The following GPC5 variants were observed in gnomAD, a reference collection of about 807,000 sequenced individuals.
GPC5 encodes the protein glypican 5, also known as glypican-5.
A neutral mutation model predicts 53.9 loss-of-function variants in GPC5; 47 were observed. That is an observed-to-expected ratio of 0.87 (90% CI 0.69 to 1.11). GPC5 has a LOEUF of 1.11. Ranked by LOEUF, GPC5 falls within the 50% of genes most tolerant of loss-of-function variation. The pLI, the probability that GPC5 is intolerant of heterozygous loss-of-function variation, is 0.00. For missense variants in GPC5, 748 were observed against 713.1 expected, an observed-to-expected ratio of 1.05 and a Z score of -0.56; for synonymous variants, 286 against 263.3, an observed-to-expected ratio of 1.09 and a Z score of -0.84.
chr13:92,602,231 A>ATATATATAT (rs1555294283), intron 7 of GPC5, among the ~76,000 whole-genome samples: 1 of 4,968 alleles, frequency 2.0e-4, no homozygotes, highest in Non-Finnish European at 1.6e-3. Flanking sequence ...ATATATATAT[A>ATATATATAT]ACATATATAT....
chr13:92,434,924 AT>A (rs910950562), intron 7 of GPC5, among the ~76,000 whole-genome samples: 24 of 151,990 alleles, frequency 1.6e-4, no homozygotes, highest in African/African-American at 5.1e-4. Context: ...TCCAACTAAT[AT>A]TTTTTTTGAG....
chr13:92,302,092 C>CA (rs1324288007), intron 7 of GPC5, among the ~76,000 whole-genome samples: 1 of 151,916 alleles, frequency 6.6e-6, no homozygotes, highest in Non-Finnish European at 1.5e-5. Flanking sequence ...GTAGATCTAC[C>CA]ATGTAATGTA....
At chr13:92,356,496 C>T (rs1473287908) in intron 7 of GPC5, among the ~76,000 whole-genome samples, 8 of 152,132 alleles carry the variant, frequency 5.3e-5, no homozygotes, top group Admixed American at 5.2e-4. Context: ...TGTCTTAGAC[C>T]AGACCCCTTA....
At chr13:92,237,464 T>C (rs191738164) in intron 7 of GPC5, among the ~76,000 whole-genome samples, 1 of 152,090 alleles carries the variant, frequency 6.6e-6, no homozygotes, top group Non-Finnish European at 1.5e-5. Context: ...ATGATCTGCC[T>C]GCCTTAGCCT....
At chr13:91,871,377 G>A (rs991320295) in intron 5 of GPC5, among the ~76,000 whole-genome samples, 1 of 151,910 alleles carries the variant, frequency 6.6e-6, no homozygotes, top group Non-Finnish European at 1.5e-5. Flanking sequence ...GGAGGGAGAG[G>A]AGCAGAAAAG....
chr13:92,586,917 A>G (rs150573780), intron 7 of GPC5, among the ~76,000 whole-genome samples: 273 of 151,754 alleles, frequency 1.8e-3, no homozygotes, highest in African/African-American at 6.4e-3. Context: ...ACATCACAGT[A>G]CACTTGTATA....
intron 7 of GPC5, among the ~76,000 whole-genome samples, chr13:92,175,257 C>T (rs2042101424): frequency 6.6e-6 from 1 of 152,090 alleles, no homozygotes; most frequent in Admixed American, 6.6e-5. Flanking sequence ...TTAATGGTGA[C>T]CCTGTATGTT....
chr13:91,462,620 A>G (rs1882004531), intron 2 of GPC5, among the ~76,000 whole-genome samples: 1 of 152,140 alleles, frequency 6.6e-6, no homozygotes, highest in African/African-American at 2.4e-5. Flanking sequence ...TCCTCTTTAC[A>G]TAAGGAAAGC....
At chr13:92,117,845 G>T (rs1229243207) in intron 6 of GPC5, among the ~76,000 whole-genome samples, 1 of 152,112 alleles carries the variant, frequency 6.6e-6, no homozygotes, top group African/African-American at 2.4e-5. Flanking sequence ...CATTTTAATA[G>T]GTTATTTTGG....
chr13:92,217,507 T>G (rs192701802), intron 7 of GPC5, among the ~76,000 whole-genome samples: 12 of 152,238 alleles, frequency 7.9e-5, no homozygotes, highest in African/African-American at 2.9e-4. Context: ...ACTCCTGATA[T>G]TTTCTGCTAG....
At chr13:91,506,135 A>G (rs1884927327) in intron 2 of GPC5, among the ~76,000 whole-genome samples, 1 of 152,164 alleles carries the variant, frequency 6.6e-6, no homozygotes. Context: ...GTAAATAAGT[A>G]GCCTATTTAA....
chr13:92,577,823 G>C (rs1208320145), intron 7 of GPC5, among the ~76,000 whole-genome samples: 1 of 151,908 alleles, frequency 6.6e-6, no homozygotes, highest in Non-Finnish European at 1.5e-5. Flanking sequence ...GCAAGAGATT[G>C]GTCTGGTTAC....
intron 2 of GPC5, among the ~76,000 whole-genome samples, chr13:91,513,356 G>T (rs1046660372): frequency 8.5e-6 from 1 of 117,042 alleles, no homozygotes; most frequent in African/African-American, 3.9e-5. Context: ...GTTTTCATTT[G>T]TGTGTGTGTG....
intron 5 of GPC5, among the ~76,000 whole-genome samples, chr13:91,797,836 G>T (rs2038070993): frequency 6.6e-6 from 1 of 152,106 alleles, no homozygotes; most frequent in African/African-American, 2.4e-5. Flanking sequence ...TTGTTATTTG[G>T]TTGTGTTGAC....
chr13:91,849,607 T>A (rs765787101), intron 5 of GPC5, among the ~76,000 whole-genome samples: 3 of 152,174 alleles, frequency 2.0e-5, no homozygotes, highest in Admixed American at 1.3e-4. Context: ...ATGTATACTC[T>A]TGAGTATCCA....
chr13:91,825,355 C>T (rs939769402), intron 5 of GPC5, among the ~76,000 whole-genome samples: 2 of 152,004 alleles, frequency 1.3e-5, no homozygotes, highest in South Asian at 2.1e-4. Flanking sequence ...TGAAATTATA[C>T]GTTTGTGTGT....
At chr13:91,972,050 A>C (rs1309436383) in intron 6 of GPC5, among the ~76,000 whole-genome samples, 4 of 152,112 alleles carry the variant, frequency 2.6e-5, no homozygotes, top group South Asian at 2.1e-4. Flanking sequence ...TGATCTGTCT[A>C]ATGTTGACAG....
At chr13:91,560,259 A>G (rs2031185878) in intron 2 of GPC5, among the ~76,000 whole-genome samples, 1 of 152,154 alleles carries the variant, frequency 6.6e-6, no homozygotes, top group Non-Finnish European at 1.5e-5. Flanking sequence ...GTTCTGTGAG[A>G]TGACCTAGAA....
At chr13:92,424,252 A>G (rs891740686) in intron 7 of GPC5, among the ~76,000 whole-genome samples, 1 of 152,120 alleles carries the variant, frequency 6.6e-6, no homozygotes, top group African/African-American at 2.4e-5. Context: ...TTACAATAAA[A>G]CCAATTATTT....
Sources: gnomAD v4.1 joint callset for allele counts (sites outside exome capture counted in the v4.1 genomes callset) on GRCh38, gnomAD v4.1.1 for gene constraint, MANE v1.5 for transcripts, NCBI Gene and HGNC (gene_info 2026-07-23, HGNC 2026-07-21) for gene names.